Variants in RUNDC3B observed in about 807,000 individuals in gnomAD.
The protein encoded by RUNDC3B is RUN domain containing 3B.
Under a neutral mutation model 58.4 loss-of-function variants are expected in RUNDC3B, and 33 were observed. That is an observed-to-expected ratio of 0.56 (90% CI 0.43 to 0.75). The LOEUF is 0.75. Ranked by LOEUF, RUNDC3B falls within the 30% of genes least tolerant of loss-of-function variation. The pLI is 0.00. For synonymous variants in RUNDC3B, 193 were observed against 195.2 expected (o/e 0.99, Z 0.10); for missense variants, 501 against 535.7 (o/e 0.94, Z 0.64).
intron 2 of RUNDC3B, among the ~76,000 whole-genome samples, chr7:87,688,864 T>G (rs779441644): frequency 6.6e-6 from 1 of 152,032 alleles, no homozygotes; most frequent in Non-Finnish European, 1.5e-5. Context: ...TATGTATTTG[T>G]ATTTATTTAT....
At chr7:87,802,243 C>T (rs963482956) in intron 8 of RUNDC3B, among the ~76,000 whole-genome samples, 7 of 151,782 alleles carry the variant, frequency 4.6e-5, no homozygotes, top group Non-Finnish European at 1.0e-4. Flanking sequence ...AGATGCAAAA[C>T]TTAGCTGGTC....
At chr7:87,747,382 G>C (rs574658342) in intron 6 of RUNDC3B, among the ~76,000 whole-genome samples, 58 of 152,288 alleles carry the variant, frequency 3.8e-4, no homozygotes, top group East Asian at 2.7e-3. Flanking sequence ...GAGGTAGCAG[G>C]GGGGTGAGGG....
intron 2 of RUNDC3B, among the ~76,000 whole-genome samples, chr7:87,685,159 C>G (rs1044474793): frequency 6.6e-6 from 1 of 151,856 alleles, no homozygotes; most frequent in Non-Finnish European, 1.5e-5. Flanking sequence ...AAGGCATAGA[C>G]CAGGAAAAAA....
chr7:87,690,673 G>T (rs1470702161), intron 2 of RUNDC3B, among the ~76,000 whole-genome samples: 1 of 152,046 alleles, frequency 6.6e-6, no homozygotes, highest in East Asian at 1.9e-4. Flanking sequence ...TTCCTCCTAT[G>T]TAAATACAAA....
chr7:87,799,953 A>G (rs1162412329), intron 8 of RUNDC3B, among the ~76,000 whole-genome samples: 1 of 152,096 alleles, frequency 6.6e-6, no homozygotes, highest in Non-Finnish European at 1.5e-5. Context: ...AATTACAACA[A>G]TTTGCTATAT....
chr7:87,731,495 G>T (rs772410094), intron 4 of RUNDC3B, among the ~76,000 whole-genome samples: 5 of 151,924 alleles, frequency 3.3e-5, no homozygotes, highest in Non-Finnish European at 7.4e-5. Context: ...GAAAACCAAG[G>T]CCCCAAAATT....
At chr7:87,692,560 G>T (rs1427257577) in intron 2 of RUNDC3B, among the ~76,000 whole-genome samples, 1 of 152,070 alleles carries the variant, frequency 6.6e-6, no homozygotes, top group African/African-American at 2.4e-5. Flanking sequence ...CCATAAATCT[G>T]GTCATGATAT....
chr7:87,825,223 A>G (rs901007456), intron 10 of RUNDC3B, among the ~76,000 whole-genome samples: 8 of 152,104 alleles, frequency 5.3e-5, no homozygotes, highest in Non-Finnish European at 1.2e-4. Context: ...CATCTCAAAA[A>G]AAAAGAAAGA....
chr7:87,745,907 A>T (rs1483658029), intron 6 of RUNDC3B, among the ~76,000 whole-genome samples: 2 of 150,262 alleles, frequency 1.3e-5, no homozygotes, highest in Non-Finnish European at 3.0e-5. Flanking sequence ...GTCAGTTTGT[A>T]CTCTTTCAGT....
chr7:87,653,356 G>C (rs894353873), intron 2 of RUNDC3B, among the ~76,000 whole-genome samples: 5 of 152,184 alleles, frequency 3.3e-5, no homozygotes, highest in South Asian at 4.1e-4. Flanking sequence ...GGAGAAGTTA[G>C]GCATTTTGCC....
chr7:87,771,069 A>G (rs1834252685), intron 7 of RUNDC3B, among the ~76,000 whole-genome samples: 1 of 152,230 alleles, frequency 6.6e-6, no homozygotes, highest in Non-Finnish European at 1.5e-5. Context: ...TGATTGCCTA[A>G]GCACGTACAT....
chr7:87,755,691 C>T (rs1833328252), intron 6 of RUNDC3B, among the ~76,000 whole-genome samples: 1 of 152,144 alleles, frequency 6.6e-6, no homozygotes. Context: ...TAAAAACTCT[C>T]AATAAACTAC....
intron 2 of RUNDC3B, among the ~76,000 whole-genome samples, chr7:87,669,272 CTT>C (rs1446116751): frequency 6.6e-6 from 1 of 151,896 alleles, no homozygotes; most frequent in African/African-American, 2.4e-5. Flanking sequence ...TTTGAAATCT[CTT>C]TTGTCTGAAT....
At chr7:87,674,865 C>T (rs370169189) in intron 2 of RUNDC3B, among the ~76,000 whole-genome samples, 5 of 152,118 alleles carry the variant, frequency 3.3e-5, no homozygotes, top group Non-Finnish European at 7.4e-5. Context: ...CCAGGTCTGA[C>T]GGTCACCCTA....
intron 8 of RUNDC3B, among the ~76,000 whole-genome samples, chr7:87,792,101 A>G (rs1835550927): frequency 6.6e-6 from 1 of 152,074 alleles, no homozygotes; most frequent in South Asian, 2.1e-4. Flanking sequence ...CTCCAATCCA[A>G]ACTATAAGAA....
intron 2 of RUNDC3B, among the ~76,000 whole-genome samples, chr7:87,682,778 T>G (rs987988249): frequency 2.0e-5 from 3 of 152,202 alleles, no homozygotes; most frequent in African/African-American, 7.2e-5. Context: ...TTTTTTGGAA[T>G]GGTAAATAAG....
chr7:87,814,031 C>T (rs534604272), intron 9 of RUNDC3B, among the ~76,000 whole-genome samples: 2 of 149,604 alleles, frequency 1.3e-5, no homozygotes, highest in East Asian at 2.0e-4. Flanking sequence ...TTCTGTGATA[C>T]GATTAAATAT....
At chr7:87,720,221 T>C (rs1480400058) in intron 4 of RUNDC3B, among the ~76,000 whole-genome samples, 2 of 152,242 alleles carry the variant, frequency 1.3e-5, no homozygotes, top group African/African-American at 2.4e-5. Flanking sequence ...CTTAGACATA[T>C]GAACATTTAT....
At position 87,805,981 on chromosome 7, in the gene RUNDC3B, C is replaced by T. The variant is rs1014200707; in HGVS notation, c.957-1392C>T. Among the ~76,000 whole-genome samples the T allele has an allele frequency of 5.3e-5, 8 of 152,262 alleles. No homozygotes were observed. In the South Asian group the frequency reaches 1.2e-3, roughly 24 times the overall value. Reference sequence around the variant, plus strand: ...CAGCCACTCTCTTTGTAAAGCTTTACTGTTTTCATTTTTGAAAAAATGTTT... The same window carrying T: ...CAGCCACTCTCTTTGTAAAGCTTTATTGTTTTCATTTTTGAAAAAATGTTT... On this transcript the variant is annotated intron_variant, in intron 8 of 10. Coordinates refer to ENST00000394654, the MANE Select transcript of RUNDC3B (RefSeq NM_001134405.2).
Sources: gnomAD v4.1 joint callset for allele counts (sites outside exome capture counted in the v4.1 genomes callset) on GRCh38, gnomAD v4.1.1 for gene constraint, MANE v1.5 for transcripts, NCBI Gene and HGNC (gene_info 2026-07-23, HGNC 2026-07-21) for gene names.